Variants in RYR3 observed in about 807,000 individuals in gnomAD.
RYR3 encodes ryanodine receptor 3.
Under a neutral mutation model 584.3 loss-of-function variants are expected in RYR3, and 207 were observed. The ratio of observed to expected loss-of-function variants is 0.35; its 90% CI spans 0.32 to 0.40. RYR3 has a LOEUF of 0.40. Among genes scored for constraint, RYR3 ranks in the 10% least tolerant of loss-of-function variants. The probability of loss-of-function intolerance (pLI) is 1.00; values close to 1 mark genes in which losing one functional copy is unlikely to be tolerated. For synonymous variants in RYR3, 2,416 were observed against 2,248.5 expected, an observed-to-expected ratio of 1.07 and a Z score of -2.11; for missense variants, 5,616 against 6,089.2, an observed-to-expected ratio of 0.92 and a Z score of 2.59.
At chr15:33,863,911 G>A (rs1889460993) in intron 102 of RYR3, among the ~76,000 whole-genome samples, 1 of 152,054 alleles carries the variant, frequency 6.6e-6, no homozygotes, top group Non-Finnish European at 1.5e-5. Context: ...CAAGGTATAG[G>A]GATGGCAAAA....
At chr15:33,398,465 G>A (rs1198067920) in intron 1 of RYR3, among the ~76,000 whole-genome samples, 1 of 152,198 alleles carries the variant, frequency 6.6e-6, no homozygotes, top group African/African-American at 2.4e-5. Flanking sequence ...TGAGACAGAT[G>A]GGTTAAATGA....
At chr15:33,864,314 CACCTTTTTGTGACTCAATA>C in intron 103 of RYR3, 125 bp downstream of exon 103, 1 of 732,664 alleles carries the variant, frequency 1.4e-6, no homozygotes. Context: ...ATTTTCCCAT[CACCTTTTTGTGACTCAATA>C]AGAAGCCAAA....
chr15:33,851,910 A>G (rs1358164800), intron 94 of RYR3: 1 of 152,164 alleles, frequency 6.6e-6, no homozygotes, highest in Non-Finnish European at 1.5e-5. Context: ...CATCCCCCAG[A>G]GATAAAATAT....
chr15:33,577,727 A>C (rs1015629765), intron 12 of RYR3, among the ~76,000 whole-genome samples: 1 of 152,228 alleles, frequency 6.6e-6, no homozygotes, highest in Non-Finnish European at 1.5e-5. Flanking sequence ...TCATTATAAA[A>C]ATGTCAAAAG....
At chr15:33,788,123 G>T in intron 66 of RYR3, 95 bp from the exon 67 acceptor site, 7 of 1,498,812 alleles carry the variant, frequency 4.7e-6, no homozygotes, top group Non-Finnish European at 6.4e-6. Context: ...ATCCTGAGTC[G>T]ATGGGATTCC....
At chr15:33,657,971 GT>G (rs1370305103) in intron 32 of RYR3, among the ~76,000 whole-genome samples, 1 of 152,210 alleles carries the variant, frequency 6.6e-6, no homozygotes, top group Admixed American at 6.5e-5. Context: ...CATTGAGGAA[GT>G]TCATTATTTA....
intron 86 of RYR3, among the ~76,000 whole-genome samples, chr15:33,834,131 A>G (rs1421498241): frequency 1.3e-5 from 2 of 152,148 alleles, no homozygotes; most frequent in Non-Finnish European, 2.9e-5. Flanking sequence ...AAAATATAAA[A>G]AAATCAGCCA....
intron 8 of RYR3, among the ~76,000 whole-genome samples, chr15:33,546,926 C>A (rs931747119): frequency 6.6e-6 from 1 of 152,142 alleles, no homozygotes; most frequent in Non-Finnish European, 1.5e-5. Context: ...AAATTCTCTA[C>A]GGTGGAGGTA....
intron 1 of RYR3, among the ~76,000 whole-genome samples, chr15:33,424,499 C>T (rs762923982): frequency 4.6e-5 from 7 of 152,196 alleles, no homozygotes; most frequent in East Asian, 1.9e-4. Context: ...CAGCGTAGGT[C>T]GCTAGCCTTG....
rs397701049 is a variant in RYR3, at chr15:33,835,319, T to TTTA, written c.11568+247_11568+248insTTA. On this transcript the variant is annotated intron_variant, in intron 87 of 103. Transcript: ENST00000634891. ...TCTTTGTGTCTCACCAACCTACCCT[T>TTTA]ATTATTGCCTCAACATTTGCTTTCT... Among the ~76,000 whole-genome samples, 6 of 151,556 alleles carry TTTA rather than the reference T, an allele frequency of 4.0e-5. No individual in the cohort carries two copies. In the East Asian group the frequency reaches 1.2e-3, roughly 30 times the overall value.
intron 67 of RYR3, among the ~76,000 whole-genome samples, chr15:33,788,790 CCTGA>C (rs765459181): frequency 1.5e-4 from 23 of 152,306 alleles, no homozygotes; most frequent in South Asian, 4.1e-4. Context: ...ACCAATACTG[CCTGA>C]CTGTGTGTTA....
In RYR3 at chr15:33,644,497, C is replaced by T. The variant is rs946229972; in HGVS notation, c.3743C>T (p.Pro1248Leu). 8 of 1,613,596 alleles carry T rather than the reference C, an allele frequency of 5.0e-6. No homozygotes were observed. Among genetic ancestry groups the T allele is most frequent in the South Asian group, 1.1e-5 (1 of 90,982 alleles). The change falls in exon 28 of 104, where the codon CCA becomes CTA. Residue 1248 changes from proline to leucine, a missense_variant. Physicochemically the swap from Pro to Leu is moderately conservative, Grantham distance 98. This residue lies in a region of RYR3 where 753 missense variants were observed against 741.0 expected (regional missense o/e 1.02). Coordinates refer to ENST00000634891, the MANE Select transcript of RYR3 (RefSeq NM_001036.6). ...CGCCTCCCGACGTTTGTCAACGTGC[C>T]AAAGGATCATCCACACATAGAGGTA... ...SKRLPTFVNV[P>L]KDHPHIEVMR...
At chr15:33,382,282 C>T (rs2041242910) in intron 1 of RYR3, among the ~76,000 whole-genome samples, 1 of 142,096 alleles carries the variant, frequency 7.0e-6, no homozygotes, top group Non-Finnish European at 1.5e-5. Flanking sequence ...TAGGTACCAA[C>T]ATAAATATCC....
intron 31 of RYR3, among the ~76,000 whole-genome samples, chr15:33,649,470 T>C (rs2062326098): frequency 6.6e-6 from 1 of 152,204 alleles, no homozygotes; most frequent in African/African-American, 2.4e-5. Flanking sequence ...ATGGAAAATA[T>C]AGACAGAGAA....
chr15:33,788,508 T>C (rs766634240), intron 67 of RYR3, 50 bp downstream of exon 67: 3 of 1,594,540 alleles, frequency 1.9e-6, no homozygotes, highest in African/African-American at 2.7e-5. Context: ...GGGGCTAGTT[T>C]AGGCAACAGA....
intron 1 of RYR3, among the ~76,000 whole-genome samples, chr15:33,413,076 C>G (rs1029842985): frequency 8.5e-5 from 13 of 152,152 alleles, no homozygotes; most frequent in Non-Finnish European, 8.8e-5. Flanking sequence ...TAAAATGGCT[C>G]TCTTCTTTTG....
At chr15:33,679,770 A>G (rs1463314675) in intron 38 of RYR3, among the ~76,000 whole-genome samples, 1 of 152,186 alleles carries the variant, frequency 6.6e-6, no homozygotes, top group Non-Finnish European at 1.5e-5. Flanking sequence ...ATTTCATTTT[A>G]TTGGTGAAGA....
At chr15:33,532,097 T>C (rs534544782) in intron 4 of RYR3, among the ~76,000 whole-genome samples, 3 of 152,296 alleles carry the variant, frequency 2.0e-5, no homozygotes, top group Admixed American at 2.0e-4. Flanking sequence ...CTATAAGATA[T>C]GGCTTTCTAC....
intron 69 of RYR3, among the ~76,000 whole-genome samples, chr15:33,805,549 C>T (rs545706893): frequency 1.3e-4 from 19 of 151,176 alleles, no homozygotes; most frequent in Non-Finnish European, 2.1e-4. Flanking sequence ...GCGATCTCGG[C>T]TCACTGCAAG....
Sources: gnomAD v4.1 joint callset for allele counts (sites outside exome capture counted in the v4.1 genomes callset) on GRCh38, gnomAD v4.1.1 for gene constraint, gnomAD v4.1.1 regional missense constraint, MANE v1.5 for transcripts, NCBI Gene and HGNC (gene_info 2026-07-23, HGNC 2026-07-21) for gene names.